The following CPNE1 variants were observed in gnomAD, a reference collection of about 807,000 sequenced individuals.
CPNE1 encodes the protein copine 1, also known as copine-1.
CPNE1 carries 58 observed loss-of-function variants against 63.2 expected under a neutral mutation model. The ratio of observed to expected loss-of-function variants is 0.92; its 90% CI spans 0.74 to 1.14. CPNE1 has a LOEUF of 1.14. Among genes scored for constraint, CPNE1 ranks in the 50% most tolerant of loss-of-function variants. The pLI is 0.00. For missense variants in CPNE1, 672 were observed against 661.7 expected (o/e 1.02, Z -0.17); for synonymous variants, 237 against 249.0 (o/e 0.95, Z 0.45).
chr20:35,631,799 TCCAGTGAGCTCTGGCA>T (rs1568912262), intron 6 of CPNE1, 22 bp from the exon 7 acceptor site: 3 of 1,601,414 alleles, frequency 1.9e-6, no homozygotes, highest in Admixed American at 1.7e-5. Context: ...GGCCAAGGCC[TCCAGTGAGCTCTGGCA>T]TGGCCCCCTG....
At chr20:35,636,370 C>A (rs1451408635) in intron 1 of CPNE1, among the ~76,000 whole-genome samples, 1 of 152,214 alleles carries the variant, frequency 6.6e-6, no homozygotes, top group Non-Finnish European at 1.5e-5. Flanking sequence ...ATGCTCATTT[C>A]ACTAATGCTG....
intron 1 of CPNE1, among the ~76,000 whole-genome samples, chr20:35,664,045 C>A (rs533088778): frequency 6.6e-6 from 1 of 152,208 alleles, no homozygotes; most frequent in Admixed American, 6.5e-5. Context: ...TACTACAATT[C>A]TCAGAGCCTC....
rs765805222 is a variant in CPNE1, at chr20:35,654,576, C to T, written c.-1+10184G>A. Reference sequence around the variant, plus strand: ...CAGCAGGTAGAGGTGCCACAGGTGGCGGATTCAAGGGCGGCATGCCCGACA... The same window carrying T: ...CAGCAGGTAGAGGTGCCACAGGTGGTGGATTCAAGGGCGGCATGCCCGACA... On this transcript the variant is annotated intron_variant, in intron 1 of 15. Coordinates refer to ENST00000397443, the MANE Select transcript of CPNE1 (RefSeq NM_152925.3). The T allele has an allele frequency of 7.4e-6, 12 of 1,614,032 alleles. No homozygotes were observed. In the African/African-American group the frequency reaches 8.0e-5, roughly 11 times the overall value.
intron 1 of CPNE1, among the ~76,000 whole-genome samples, chr20:35,659,469 T>C (rs903989683): frequency 5.3e-5 from 8 of 152,226 alleles, no homozygotes; most frequent in Non-Finnish European, 1.2e-4. Context: ...AGGGTACTCA[T>C]GGAAATTACT....
chr20:35,636,917 G>GC (rs1210479590), intron 1 of CPNE1, among the ~76,000 whole-genome samples: 3 of 152,104 alleles, frequency 2.0e-5, no homozygotes, highest in African/African-American at 7.2e-5. Flanking sequence ...AATAGAAGAT[G>GC]CATCAAATGT....
intron 1 of CPNE1, chr20:35,649,757 A>C (rs1008539409): frequency 6.6e-6 from 1 of 152,438 alleles, no homozygotes; most frequent in Non-Finnish European, 1.5e-5. Flanking sequence ...AATGAACACC[A>C]ATAAAAAAAA....
At chr20:35,644,810 TCTGA>T (rs2033017322) in intron 1 of CPNE1, among the ~76,000 whole-genome samples, 1 of 152,170 alleles carries the variant, frequency 6.6e-6, no homozygotes, top group Non-Finnish European at 1.5e-5. Flanking sequence ...TCCCTATTTG[TCTGA>T]CTGCTGGGGA....
intron 1 of CPNE1, among the ~76,000 whole-genome samples, chr20:35,660,507 C>T (rs1022927379): frequency 7.2e-5 from 11 of 152,186 alleles, no homozygotes; most frequent in Non-Finnish European, 1.6e-4. Context: ...GTGTGAGCCA[C>T]CACGCCTGGC....
chr20:35,649,519 T>C (rs2033352732), intron 1 of CPNE1: 1 of 152,648 alleles, frequency 6.6e-6, no homozygotes, highest in Non-Finnish European at 1.5e-5. Flanking sequence ...TGTTGATGCT[T>C]TGACAACTTG....
At chr20:35,655,965 T>C (rs886998967) in intron 1 of CPNE1, among the ~76,000 whole-genome samples, 1 of 152,186 alleles carries the variant, frequency 6.6e-6, no homozygotes, top group South Asian at 2.1e-4. Context: ...CAATCTGCCT[T>C]GTACATTACA....
intron 14 of CPNE1, 140 bp from the exon 15 acceptor site, chr20:35,626,943 T>TGA: frequency 1.3e-6 from 1 of 751,184 alleles, no homozygotes; most frequent in Non-Finnish European, 2.3e-6. Flanking sequence ...ATCCCAGCAC[T>TGA]TTGGGAGGCT....
chr20:35,642,435 T>C (rs1444972077), intron 1 of CPNE1, among the ~76,000 whole-genome samples: 1 of 152,204 alleles, frequency 6.6e-6, no homozygotes, highest in Non-Finnish European at 1.5e-5. Flanking sequence ...TACCTTGGCA[T>C]GCTGGATCAG....
rs1334393290 is a variant in CPNE1 at position 35,632,188 on chromosome 20, A to G, written c.431T>C (p.Val144Ala). The G allele has an allele frequency of 6.2e-7, 1 of 1,613,644 alleles. No homozygotes were observed. Among genetic ancestry groups the G allele is most frequent in the Non-Finnish European group, 8.5e-7 (1 of 1,179,900 alleles). ...CTTCTTATCTAGGTTTCTGGCCTCT[A>G]CCTCCATGGTTACTACACGATTGTC... ...LKDNRVVTME[V>A]EARNLDKKDF... Residue 144 changes from valine to alanine, a missense_variant, in exon 5 of 16, where the codon GTA (valine) becomes GCA (alanine). Physicochemically the swap from Val to Ala is moderately conservative, Grantham distance 64 (BLOSUM62 0). Coordinates refer to ENST00000397443, the MANE Select transcript of CPNE1 (RefSeq NM_152925.3).
chr20:35,630,701 G>A, intron 12 of CPNE1, 40 bp downstream of exon 12: 4 of 1,608,896 alleles, frequency 2.5e-6, no homozygotes, highest in Non-Finnish European at 3.4e-6. Context: ...TCAGGACCCT[G>A]AAACTGAAAA....
intron 13 of CPNE1, chr20:35,627,625 T>C: frequency 2.1e-6 from 1 of 470,514 alleles, no homozygotes; most frequent in South Asian, 3.3e-5. Flanking sequence ...CAGCTTGAAT[T>C]AGCACCCAGA....
intron 1 of CPNE1, chr20:35,654,879 CTGTA>C (rs1446940615): frequency 6.2e-7 from 1 of 1,613,972 alleles, no homozygotes; most frequent in Non-Finnish European, 8.5e-7. Flanking sequence ...TGGAAAATGT[CTGTA>C]TGTTTTTGTT....
At chr20:35,627,440 A>T in intron 13 of CPNE1, 27 bp from the exon 14 acceptor site, 2 of 1,612,036 alleles carry the variant, frequency 1.2e-6, no homozygotes, top group Non-Finnish European at 1.7e-6. Context: ...GAAATACCGT[A>T]AAATCCTGGA....
At chr20:35,644,903 T>TAG (rs1334017225) in intron 1 of CPNE1, among the ~76,000 whole-genome samples, 1 of 152,174 alleles carries the variant, frequency 6.6e-6, no homozygotes, top group Non-Finnish European at 1.5e-5. Context: ...GCATGCATAG[T>TAG]GCAAATAAGG....
Position 35,630,810 on chromosome 20 carries a change from T to C in CPNE1, c.996-15A>G, listed in dbSNP as rs1366663769. On this transcript the variant is annotated splice_polypyrimidine_tract_variant and intron_variant, in intron 11 of 15. Coordinates refer to ENST00000397443, the MANE Select transcript of CPNE1 (RefSeq NM_152925.3). Reference sequence around the variant, plus strand: ...ACAGCTTGTCTCTGTGGGAGGACAGTGTATTGGGCAAAAGGCAGTGAGGGG... The same window carrying C: ...ACAGCTTGTCTCTGTGGGAGGACAGCGTATTGGGCAAAAGGCAGTGAGGGG... The C allele has an allele frequency of 2.5e-6, 4 of 1,611,632 alleles. No homozygotes were observed. In the East Asian group the frequency reaches 8.9e-5, roughly 36 times the overall value.
Sources: allele counts gnomAD v4.1 joint callset (sites outside exome capture counted in the v4.1 genomes callset), GRCh38; gene constraint gnomAD v4.1.1; transcripts MANE v1.5; gene names NCBI Gene and HGNC (gene_info 2026-07-23, HGNC 2026-07-21).